The following OTOGL variants were observed in gnomAD, a reference collection of about 807,000 sequenced individuals.
OTOGL encodes otogelin like.
OTOGL carries 285 observed loss-of-function variants against 318.5 expected under a neutral mutation model. That is an observed-to-expected ratio of 0.89 (90% CI 0.81 to 0.99). The LOEUF is 0.99. OTOGL is among the 50% of genes least tolerant of loss of function. OTOGL has a pLI of 0.00. For missense variants in OTOGL, 2,899 were observed against 2,845.6 expected (o/e 1.02, Z -0.43); for synonymous variants, 987 against 936.5 (o/e 1.05, Z -0.99).
chr12:80,318,546 G>A lies in OTOGL; in HGVS notation c.3635G>A (p.Gly1212Glu). Reference sequence around the variant, plus strand: ...AATTCTAATATTTATATTTAACTAGGACTTGGAGAAGGACCATATATGCTG... The same window carrying A: ...AATTCTAATATTTATATTTAACTAGAACTTGGAGAAGGACCATATATGCTG... ...CSLDCEYYNE[G>E]LGEGPYMLAS... Residue 1212 changes from glycine to glutamate, a missense_variant and splice_region_variant, in exon 33 of 59, where the codon GGA (glycine) becomes GAA (glutamate). This residue lies in a region of OTOGL where 2,607 missense variants were observed against 2,524.9 expected (regional missense o/e 1.03). Coordinates refer to ENST00000547103, the MANE Select transcript of OTOGL (RefSeq NM_001378609.3). 7.7e-7 allele frequency: 1 copy of A among 1,296,218 alleles called. No individual in the cohort carries two copies. 80.3% of individuals were successfully genotyped at this position (1,296,218 alleles called of 1,614,324 possible). A position where few individuals can be genotyped will look rare whatever the true frequency, so the allele number is the denominator to read the frequency against.
chr12:80,323,869 A>G (rs1887512912), intron 35 of OTOGL, 29 bp downstream of exon 35: 1 of 1,529,086 alleles, frequency 6.5e-7, no homozygotes, highest in Non-Finnish European at 9.0e-7. Flanking sequence ...TAAGTGATCA[A>G]AGTCCAGCCT....
intron 1 of OTOGL, among the ~76,000 whole-genome samples, chr12:80,131,365 A>T (rs1871229665): frequency 1.3e-5 from 2 of 152,214 alleles, no homozygotes. Context: ...AGGCTTTCCC[A>T]AAAGGGAGAA....
chr12:80,117,742 T>C (rs1010594588), intron 1 of OTOGL, among the ~76,000 whole-genome samples: 1 of 152,256 alleles, frequency 6.6e-6, no homozygotes, highest in Admixed American at 6.5e-5. Flanking sequence ...AGTTCTGTTT[T>C]GTTAGCATCC....
chr12:80,104,832 T>C, intron 1 of OTOGL, among the ~76,000 whole-genome samples: 1 of 152,182 alleles, frequency 6.6e-6, no homozygotes. Context: ...CGGTGGCTCA[T>C]GCCTGTAATC....
chr12:80,200,296 G>T (rs1876369607), intron 1 of OTOGL, among the ~76,000 whole-genome samples: 1 of 152,166 alleles, frequency 6.6e-6, no homozygotes, highest in South Asian at 2.1e-4. Context: ...ATAGTGCTCT[G>T]CCTTAGGTTT....
chr12:80,105,823 A>G (rs1869421432), intron 1 of OTOGL, among the ~76,000 whole-genome samples: 1 of 152,198 alleles, frequency 6.6e-6, no homozygotes, highest in African/African-American at 2.4e-5. Flanking sequence ...TGTTTTATGG[A>G]AAAGTTTACA....
chr12:80,170,340 G>A (rs1007495720), intron 1 of OTOGL, among the ~76,000 whole-genome samples: 1 of 151,948 alleles, frequency 6.6e-6, no homozygotes, highest in Non-Finnish European at 1.5e-5. Flanking sequence ...ACTATTGATG[G>A]TGAAAATATT....
chr12:80,118,917 T>C (rs1382766380), intron 1 of OTOGL, among the ~76,000 whole-genome samples: 2 of 151,830 alleles, frequency 1.3e-5, no homozygotes. Flanking sequence ...TTGATATTGA[T>C]ATTGGATATT....
intron 7 of OTOGL, among the ~76,000 whole-genome samples, chr12:80,223,741 C>T (rs1273966293): frequency 6.6e-6 from 1 of 151,888 alleles, no homozygotes; most frequent in Non-Finnish European, 1.5e-5. Context: ...TGAGAATTGT[C>T]TATTCATGTC....
Position 80,336,577 on chromosome 12 carries a change from C to A in OTOGL, c.4743+22C>A, listed in dbSNP as rs758205364. The A allele has an allele frequency of 1.9e-6, 3 of 1,590,536 alleles. No individual in the cohort carries two copies. The East Asian group carries it at 6.7e-5, about 36-fold the overall frequency. ...TCAGGTGGGTCATAATTTATTTTTG[C>A]AGTCATTTCATCATAAATCTATAGC... On this transcript the variant is annotated intron_variant, in intron 40 of 58. Coordinates refer to ENST00000547103, the MANE Select transcript of OTOGL (RefSeq NM_001378609.3).
chr12:80,212,542 T>G (rs61572623), intron 4 of OTOGL, among the ~76,000 whole-genome samples: 4,974 of 152,192 alleles, frequency 0.033, 213 homozygotes, highest in East Asian at 0.18. Flanking sequence ...CTTGCCCGGG[T>G]GCCTTTATAT....
chr12:80,135,707 T>G (rs1275694744), intron 1 of OTOGL, among the ~76,000 whole-genome samples: 2 of 152,338 alleles, frequency 1.3e-5, no homozygotes, highest in Non-Finnish European at 2.9e-5. Context: ...CCATGGGATA[T>G]CTAGATAACT....
chr12:80,307,443 C>CA (rs1252587970), intron 29 of OTOGL, among the ~76,000 whole-genome samples: 2 of 149,688 alleles, frequency 1.3e-5, no homozygotes, highest in Middle Eastern at 3.2e-3. Flanking sequence ...GGGGCTGACC[C>CA]CCCCCACCTC....
chr12:80,191,666 A>G (rs1250682826), intron 1 of OTOGL, among the ~76,000 whole-genome samples: 1 of 152,216 alleles, frequency 6.6e-6, no homozygotes, highest in Non-Finnish European at 1.5e-5. Context: ...GGGACAGAAT[A>G]TTGAGAATTT....
intron 7 of OTOGL, among the ~76,000 whole-genome samples, chr12:80,225,013 A>G (rs911380433): frequency 1.3e-5 from 2 of 152,082 alleles, no homozygotes; most frequent in Non-Finnish European, 2.9e-5. Flanking sequence ...TACCCCATAT[A>G]TATATGTATA....
At chr12:80,187,136 A>G (rs1160208457) in intron 1 of OTOGL, among the ~76,000 whole-genome samples, 1 of 152,250 alleles carries the variant, frequency 6.6e-6, no homozygotes, top group Non-Finnish European at 1.5e-5. Flanking sequence ...AAGAATCTTC[A>G]GGCCTCAACA....
At chr12:80,120,753 C>G (rs1334843576) in intron 1 of OTOGL, among the ~76,000 whole-genome samples, 1 of 152,224 alleles carries the variant, frequency 6.6e-6, no homozygotes, top group Middle Eastern at 3.4e-3. Flanking sequence ...CAAATCTCAC[C>G]TCTTCATGAA....
At chr12:80,132,884 G>C (rs1404173259) in intron 1 of OTOGL, 1 of 152,104 alleles carries the variant, frequency 6.6e-6, no homozygotes, top group Non-Finnish European at 1.5e-5. Flanking sequence ...TGAAGATAAT[G>C]CTAGAATTTA....
rs1465016063 is a variant in OTOGL, at chr12:80,279,077, G to T, written c.2839G>T (p.Val947Leu). The T allele has an allele frequency of 4.4e-6, 7 of 1,590,936 alleles. No homozygotes were observed. In the South Asian group the frequency reaches 7.7e-5, roughly 18 times the overall value. Residue 947 changes from valine to leucine, a missense_variant, in exon 26 of 59, where the codon GTG (valine) becomes TTG (leucine). Physicochemically the swap from Val to Leu is conservative, Grantham distance 32. Coordinates refer to ENST00000547103, the MANE Select transcript of OTOGL (RefSeq NM_001378609.3). ...TTGCACATATTATCCATGCCCAGCA[G>T]TGTGCACAATATACGGGGACCGACA... ...FNCTYYPCPA[V>L]CTIYGDRHYY...
Sources: gnomAD v4.1 joint callset for allele counts (sites outside exome capture counted in the v4.1 genomes callset) on GRCh38, gnomAD v4.1.1 for gene constraint, gnomAD v4.1.1 regional missense constraint, MANE v1.5 for transcripts, NCBI Gene and HGNC (gene_info 2026-07-23, HGNC 2026-07-21) for gene names.